The following GRIA3 variants were observed in gnomAD, a reference collection of about 807,000 sequenced individuals.
The protein encoded by GRIA3 is glutamate receptor 3.
Under a neutral mutation model 63.0 loss-of-function variants are expected in GRIA3, and 3 were observed. The observed-to-expected ratio is 0.05, with a 90% CI of 0.02 to 0.12. The LOEUF (loss-of-function observed/expected upper bound fraction) is 0.12, where lower values mean the gene tolerates loss of function less well. GRIA3 is among the 10% of genes least tolerant of loss of function. The pLI, the probability that GRIA3 is intolerant of heterozygous loss-of-function variation, is 1.00. For missense variants in GRIA3, 347 were observed against 700.9 expected (o/e 0.50, Z 5.70); for synonymous variants, 274 against 257.9 (o/e 1.06, Z -0.60).
In GRIA3 at chrX:123,398,719, C is replaced by A; in HGVS notation, c.996C>A (p.Ser332=). Residue 332 remains serine, a synonymous_variant, in exon 7 of 16, where the codon TCC becomes TCA. Transcript: ENST00000620443. ...TGAGGAGGCAGCGAGTAGATGTGTC[C>A]CGGAGAGGAAGTGCTGGAGACTGCT... The part of the protein sequence containing the change: ...RYLRRQRVDV[S]RRGSAGDCLA... 1 of 1,207,127 alleles carries A rather than the reference C, an allele frequency of 8.3e-7. No individual in the cohort carries two copies. Among genetic ancestry groups the A allele is most frequent in the Non-Finnish European group, 1.1e-6 (1 of 891,925 alleles).
chrX:123,378,314 AT>A (rs1277812114), intron 5 of GRIA3, among the ~76,000 whole-genome samples: 1 of 109,102 alleles, frequency 9.2e-6, no homozygotes, highest in African/African-American at 3.3e-5. Context: ...TCTTTCCTCT[AT>A]TTTCCCCTTT....
chrX:123,430,048 CTG>C (rs1165587876), intron 12 of GRIA3, among the ~76,000 whole-genome samples: 3 of 111,864 alleles, frequency 2.7e-5, no homozygotes, highest in African/African-American at 9.7e-5. Flanking sequence ...CCCACTTATT[CTG>C]TGTCTTTCTC....
chrX:123,380,750 G>A lies in GRIA3; in HGVS notation c.751-14218G>A, dbSNP rs747888818. On this transcript the variant is annotated intron_variant, in intron 5 of 15. Transcript: ENST00000620443. ...CTATGTCCTGAATTGTATTGCCTAGGTTTTCTTCTAGGGTTTTTATGGTTT... is the reference window on the plus strand; with the variant it reads ...CTATGTCCTGAATTGTATTGCCTAGATTTTCTTCTAGGGTTTTTATGGTTT... 3.0e-4 allele frequency among the ~76,000 whole-genome samples: 34 copies of A among 111,890 alleles called. No homozygotes were observed. The South Asian group carries it at 0.012, about 40-fold the overall frequency.
At chrX:123,362,331 G>A (rs1041795057) in intron 5 of GRIA3, among the ~76,000 whole-genome samples, 9 of 111,680 alleles carry the variant, frequency 8.1e-5, no homozygotes, top group African/African-American at 2.9e-4. Context: ...TCAATACCGT[G>A]GAAGTCTGCA....
chrX:123,299,647 C>A (rs746085985), intron 3 of GRIA3, among the ~76,000 whole-genome samples: 1 of 111,516 alleles, frequency 9.0e-6, no homozygotes, highest in South Asian at 3.8e-4. Context: ...ATGGAATTTT[C>A]TAGATATAGG....
At chrX:123,254,028 T>C (rs974883364) in intron 3 of GRIA3, among the ~76,000 whole-genome samples, 6 of 112,293 alleles carry the variant, frequency 5.3e-5, no homozygotes, top group African/African-American at 1.9e-4. Context: ...CTTCCAGGAC[T>C]CATTCCATCA....
At chrX:123,313,950 C>A (rs1016347223) in intron 3 of GRIA3, among the ~76,000 whole-genome samples, 2 of 111,072 alleles carry the variant, frequency 1.8e-5, no homozygotes, top group Non-Finnish European at 3.8e-5. Context: ...ATAAATGGGA[C>A]CTGGGAAGAA....
intron 3 of GRIA3, among the ~76,000 whole-genome samples, chrX:123,306,001 C>T (rs189431012): frequency 9.0e-6 from 1 of 111,484 alleles, no homozygotes; most frequent in African/African-American, 3.3e-5. Flanking sequence ...GAGTCATTGA[C>T]GTTAATGTTC....
At chrX:123,359,280 T>C (rs1256360800) in intron 5 of GRIA3, among the ~76,000 whole-genome samples, 5 of 112,187 alleles carry the variant, frequency 4.5e-5, no homozygotes, top group Non-Finnish European at 9.4e-5. Context: ...GATATATAGA[T>C]AAAAGAAACT....
intron 13 of GRIA3, among the ~76,000 whole-genome samples, chrX:123,472,268 A>G (rs1311849844): frequency 9.3e-6 from 1 of 107,584 alleles, no homozygotes; most frequent in East Asian, 2.9e-4. Context: ...TGAACTCTCA[A>G]TGCATATTTT....
chrX:123,465,210 C>T (rs762858543), intron 13 of GRIA3, 98 bp downstream of exon 13: 1 of 897,131 alleles, frequency 1.1e-6, no homozygotes, highest in African/African-American at 2.0e-5. Flanking sequence ...TTTGAGGTAA[C>T]TTTTAAAAGT....
intron 5 of GRIA3, among the ~76,000 whole-genome samples, chrX:123,385,428 C>A (rs1234970265): frequency 3.6e-5 from 4 of 111,902 alleles, no homozygotes; most frequent in Non-Finnish European, 7.5e-5. Flanking sequence ...TGTGATACCT[C>A]CAGCTTTGTT....
chrX:123,223,321 C>T (rs1426287170), intron 2 of GRIA3, among the ~76,000 whole-genome samples: 1 of 112,781 alleles, frequency 8.9e-6, no homozygotes, highest in Non-Finnish European at 1.9e-5. Flanking sequence ...ATTTAACATA[C>T]AAACTGCATT....
chrX:123,281,549 G>A (rs933356443), intron 3 of GRIA3, among the ~76,000 whole-genome samples: 2 of 111,751 alleles, frequency 1.8e-5, no homozygotes, highest in Non-Finnish European at 3.8e-5. Context: ...TCATGATTCC[G>A]TTTTACAGAA....
At chrX:123,228,807 G>A (rs1177037147) in intron 2 of GRIA3, among the ~76,000 whole-genome samples, 1 of 111,502 alleles carries the variant, frequency 9.0e-6, no homozygotes, top group Non-Finnish European at 1.9e-5. Flanking sequence ...GAGAAGGTGG[G>A]GGATCCCTTG....
At chrX:123,457,925 TA>T (rs780269118) in intron 12 of GRIA3, among the ~76,000 whole-genome samples, 1 of 111,055 alleles carries the variant, frequency 9.0e-6, no homozygotes, top group South Asian at 3.9e-4. Flanking sequence ...GGAGGGACTT[TA>T]AAAAAATGAA....
At chrX:123,272,597 A>G (rs1473835023) in intron 3 of GRIA3, among the ~76,000 whole-genome samples, 1 of 111,753 alleles carries the variant, frequency 8.9e-6, no homozygotes, top group Non-Finnish European at 1.9e-5. Flanking sequence ...AAATCACCCT[A>G]AAGACAGGAC....
chrX:123,396,797 T>C (rs1156634256), intron 6 of GRIA3, among the ~76,000 whole-genome samples: 3 of 112,407 alleles, frequency 2.7e-5, no homozygotes, highest in Non-Finnish European at 5.6e-5. Context: ...ATGGTTCAAA[T>C]GCATATTGCA....
chrX:123,311,053 T>C (rs1225792734), intron 3 of GRIA3, among the ~76,000 whole-genome samples: 2 of 109,700 alleles, frequency 1.8e-5, no homozygotes, highest in Non-Finnish European at 3.8e-5. Context: ...ATTCTGACAG[T>C]ACCTATTTAT....
Sources: gnomAD v4.1 joint callset for allele counts (sites outside exome capture counted in the v4.1 genomes callset) on GRCh38, gnomAD v4.1.1 for gene constraint, MANE v1.5 for transcripts, NCBI Gene and HGNC (gene_info 2026-07-23, HGNC 2026-07-21) for gene names.